Variants in ZNF730 observed in about 807,000 individuals in gnomAD.
ZNF730 encodes the protein zinc finger protein 730, also known as putative zinc finger protein 730.
A neutral mutation model predicts 12.6 loss-of-function variants in ZNF730; 12 were observed. The observed-to-expected ratio is 0.95, with a 90% CI of 0.61 to 1.54. ZNF730 has a LOEUF of 1.54. Ranked by LOEUF, ZNF730 falls within the 40% of genes most tolerant of loss-of-function variation. The pLI, the probability that ZNF730 is intolerant of heterozygous loss-of-function variation, is 0.00. For synonymous variants in ZNF730, 194 were observed against 195.8 expected (o/e 0.99, Z 0.08); for missense variants, 643 against 583.5 (o/e 1.10, Z -1.05).
At position 23,087,305 on chromosome 19, in the gene ZNF730, G is replaced by A. The variant is rs1233223615; in HGVS notation, c.-94+11918G>A. On this transcript the variant is annotated intron_variant, in intron 1 of 2. Coordinates refer to the ZNF730 transcript ENST00000593635. ...TGCCTGTAATCCCAGGTACTCAGAA[G>A]GCTGAAGCAGGAGAATTGCTTGAAC... Among the ~76,000 whole-genome samples, 6 of 152,236 alleles carry A rather than the reference G, an allele frequency of 3.9e-5. No individual in the cohort carries two copies. The East Asian group carries it at 1.2e-3, about 30-fold the overall frequency.
At chr19:23,120,136 A>AG (rs987314958) in intron 1 of ZNF730, among the ~76,000 whole-genome samples, 4 of 151,862 alleles carry the variant, frequency 2.6e-5, no homozygotes, top group Non-Finnish European at 4.4e-5. Context: ...CCAGGACTAC[A>AG]GGCGGGTGCC....
At chr19:23,126,409 G>C (rs1022507111) in intron 1 of ZNF730, among the ~76,000 whole-genome samples, 2 of 152,224 alleles carry the variant, frequency 1.3e-5, no homozygotes, top group African/African-American at 4.8e-5. Context: ...GGCATCGCCT[G>C]TACATGGTGC....
chr19:23,103,338 T>C (rs953964785), intron 1 of ZNF730, among the ~76,000 whole-genome samples: 2 of 152,206 alleles, frequency 1.3e-5, no homozygotes, highest in Admixed American at 1.3e-4. Flanking sequence ...ACTACATGGT[T>C]TTTCTGTAAA....
chr19:23,085,846 T>TTTC (rs1970054182), intron 1 of ZNF730, among the ~76,000 whole-genome samples: 1 of 98,436 alleles, frequency 1.0e-5, no homozygotes, highest in African/African-American at 4.4e-5. Context: ...CTTTTTTTTT[T>TTTC]TTTTTTTTTT....
At position 23,096,353 on chromosome 19, in the gene ZNF730, C is replaced by G. The variant is rs78522159; in HGVS notation, c.-94+20966C>G. Among the ~76,000 whole-genome samples the G allele has an allele frequency of 3.1e-3, 479 of 152,318 alleles. 2 individuals carry two copies. Among genetic ancestry groups the G allele is most frequent in the African/African-American group, 0.011 (463 of 41,560 alleles). On this transcript the variant is annotated intron_variant, in intron 1 of 2. Coordinates refer to the ZNF730 transcript ENST00000593635. ...GACCTGCATACATTGCTTATTGACA[C>G]ATATCACTGGCTCCAGCACCTAGGT...
At chr19:23,118,521 G>A (rs140423913) in intron 1 of ZNF730, among the ~76,000 whole-genome samples, 1 of 152,166 alleles carries the variant, frequency 6.6e-6, no homozygotes, top group East Asian at 1.9e-4. Context: ...ATTAGCTTCT[G>A]GGTCATTTTC....
intron 3 of ZNF730, chr19:23,144,312 C>G (rs1478472655): frequency 1.3e-5 from 2 of 152,096 alleles, no homozygotes; most frequent in Non-Finnish European, 2.9e-5. Context: ...ATCGTTTTGG[C>G]TAGACATTCT....
Position 23,146,951 on chromosome 19 carries a change from C to A in ZNF730, c.*395C>A. 1 of 396,046 alleles carries A rather than the reference C, an allele frequency of 2.5e-6. No individual in the cohort carries two copies. The highest frequency in any genetic ancestry group is 4.8e-5 in the East Asian group (1 of 20,968). The allele number at this position is 396,046 out of a possible 1,614,324, so 24.5% of individuals were successfully genotyped here. A position where few individuals can be genotyped will look rare whatever the true frequency, so the allele number is the denominator to read the frequency against. On this transcript the variant is annotated 3_prime_UTR_variant, in exon 4 of 4. Transcript: ENST00000597761. Reference sequence around the variant, plus strand: ...AACTTTTCCAGATGTCAAAGAAATGCTGGTGAGAAATTCTAGAAATATGAA... The same window carrying A: ...AACTTTTCCAGATGTCAAAGAAATGATGGTGAGAAATTCTAGAAATATGAA...
At chr19:23,084,513 G>A (rs752379651) in intron 1 of ZNF730, among the ~76,000 whole-genome samples, 1 of 152,198 alleles carries the variant, frequency 6.6e-6, no homozygotes, top group African/African-American at 2.4e-5. Flanking sequence ...GGGTACAAGT[G>A]TACGTTTGTT....
chr19:23,140,769 T>C (rs557503242), intron 3 of ZNF730, among the ~76,000 whole-genome samples: 1 of 151,448 alleles, frequency 6.6e-6, no homozygotes, highest in South Asian at 2.1e-4. Context: ...CTCACCAATA[T>C]GGTGAAACCC....
intron 1 of ZNF730, among the ~76,000 whole-genome samples, chr19:23,076,414 G>C (rs1327278015): frequency 6.6e-6 from 1 of 152,160 alleles, no homozygotes; most frequent in Non-Finnish European, 1.5e-5. Context: ...CACCTTATTA[G>C]TACGTCTTCG....
At chr19:23,088,939 C>G (rs1020827853) in intron 1 of ZNF730, among the ~76,000 whole-genome samples, 1 of 151,970 alleles carries the variant, frequency 6.6e-6, no homozygotes, top group African/African-American at 2.4e-5. Flanking sequence ...GTGGTGCGAT[C>G]TCGGCTCACC....
chr19:23,085,845 T>C lies in ZNF730; in HGVS notation c.-94+10458T>C, dbSNP rs1195303771. ...CACCCAATTTTTTTTTCTTTTTTTT[T>C]TTTTTTTTTTTTTTTTTTGAGATGG... On this transcript the variant is annotated intron_variant, in intron 1 of 2. Transcript: ENST00000593635. Among the ~76,000 whole-genome samples the C allele has an allele frequency of 8.8e-4, 83 of 94,388 alleles. 2 individuals carry two copies. In the East Asian group the frequency reaches 0.019, roughly 21 times the overall value. 61.9% of individuals were successfully genotyped at this position (94,388 alleles called of 152,430 possible).
rs1043511624 is a variant in ZNF730 at position 23,117,037 on chromosome 19, C to T, written c.-137C>T. 12 of 1,270,374 alleles carry T rather than the reference C, an allele frequency of 9.4e-6. No homozygotes were observed. The highest frequency in any genetic ancestry group is 7.0e-5 in the East Asian group (2 of 28,462). 78.7% of individuals were successfully genotyped at this position (1,270,374 alleles called of 1,614,324 possible). ...GGGATTTGGCGCGGCCTTTGTTTCT[C>T]GCTGCCGCCGAAGCTCCAATTTTCG... On this transcript the variant is annotated 5_prime_UTR_variant, in exon 1 of 4. Coordinates refer to ENST00000597761, the MANE Select transcript of ZNF730 (RefSeq NM_001277403.2).
chr19:23,131,889 A>C (rs1970747231), intron 1 of ZNF730, among the ~76,000 whole-genome samples: 1 of 152,156 alleles, frequency 6.6e-6, no homozygotes, highest in Admixed American at 6.5e-5. Flanking sequence ...CTCTAAGTTG[A>C]GGCCAGAATC....
At chr19:23,128,132 C>A (rs1970693749) in intron 1 of ZNF730, 2 of 912,310 alleles carry the variant, frequency 2.2e-6, no homozygotes, top group African/African-American at 1.6e-5. Flanking sequence ...AGAACTACCA[C>A]TGGCAATAAA....
chr19:23,110,501 G>A (rs1244872672), intron 1 of ZNF730, among the ~76,000 whole-genome samples: 16 of 143,228 alleles, frequency 1.1e-4, no homozygotes, highest in African/African-American at 1.8e-4. Flanking sequence ...GGATGGTCTC[G>A]AACTTCTGAC....
intron 1 of ZNF730, among the ~76,000 whole-genome samples, chr19:23,098,003 G>T (rs1360464661): frequency 6.6e-6 from 1 of 152,126 alleles, no homozygotes; most frequent in African/African-American, 2.4e-5. Flanking sequence ...AAATAGCCGG[G>T]TATGATAGTG....
At chr19:23,085,826 A>ATTTTTTTTTCTTTTT in intron 1 of ZNF730, among the ~76,000 whole-genome samples, 1 of 72,546 alleles carries the variant, frequency 1.4e-5, no homozygotes, top group Non-Finnish European at 2.8e-5. Context: ...ATTTCACCCA[A>ATTTTTTTTTCTTTTT]TTTTTTTTTC....
Sources: allele counts gnomAD v4.1 joint callset (sites outside exome capture counted in the v4.1 genomes callset), GRCh38; gene constraint gnomAD v4.1.1; transcripts MANE v1.5; gene names NCBI Gene and HGNC (gene_info 2026-07-23, HGNC 2026-07-21).